The following SAFB2 variants were observed in gnomAD, a reference collection of about 807,000 sequenced individuals.
The protein encoded by SAFB2 is scaffold attachment factor B2.
In SAFB2, 32 loss-of-function variants were observed where a neutral mutation model predicts 100.6. The ratio of observed to expected loss-of-function variants is 0.32; its 90% CI spans 0.24 to 0.43. SAFB2 has a LOEUF of 0.43. SAFB2 is among the 20% of genes least tolerant of loss of function. The pLI, the probability that SAFB2 is intolerant of heterozygous loss-of-function variation, is 1.00. For synonymous variants in SAFB2, 500 were observed against 439.4 expected (o/e 1.14, Z -1.72); for missense variants, 1,185 against 1,163.4 (o/e 1.02, Z -0.27).
chr19:5,609,300 CTTTT>C (rs751534976), intron 9 of SAFB2, among the ~76,000 whole-genome samples: 17 of 118,872 alleles, frequency 1.4e-4, no homozygotes, highest in Non-Finnish European at 2.6e-4. Flanking sequence ...TCACTTCATT[CTTTT>C]TTTTTTTTTT....
chr19:5,605,767 A>C (rs1164168567), intron 9 of SAFB2, among the ~76,000 whole-genome samples: 1 of 152,222 alleles, frequency 6.6e-6, no homozygotes, highest in Non-Finnish European at 1.5e-5. Context: ...GATCCTGGAC[A>C]TCAGGCTGCC....
At chr19:5,595,158 C>T (rs1012390725) in intron 14 of SAFB2, among the ~76,000 whole-genome samples, 20 of 152,192 alleles carry the variant, frequency 1.3e-4, no homozygotes, top group African/African-American at 4.8e-4. Flanking sequence ...CCTTTGATGA[C>T]TTTCATGCCA....
At chr19:5,610,720 G>GA (rs1257665138) in intron 7 of SAFB2, 32 bp from the exon 8 acceptor site, 5 of 1,403,692 alleles carry the variant, frequency 3.6e-6, no homozygotes, top group Non-Finnish European at 4.9e-6. Context: ...ACTCATACAG[G>GA]AAAAAAACGA....
chr19:5,609,676 G>A (rs894642932), intron 9 of SAFB2, among the ~76,000 whole-genome samples: 1 of 152,224 alleles, frequency 6.6e-6, no homozygotes, highest in South Asian at 2.1e-4. Context: ...CATTGAGAGA[G>A]AAGCTGTTTA....
chr19:5,590,336 C>G lies in SAFB2; in HGVS notation c.2467G>C (p.Gly823Arg), dbSNP rs1599223985. The G allele has an allele frequency of 3.7e-6, 6 of 1,610,454 alleles. No homozygotes were observed. Among genetic ancestry groups the G allele is most frequent in the East Asian group, 2.2e-5 (1 of 44,702 alleles). ...AGCCTCTTGTCGGAGCCGTAGCCCCCCCAGCCATCACGGGAGTCCCGGCCG... is the reference window on the plus strand; with the variant it reads ...AGCCTCTTGTCGGAGCCGTAGCCCCGCCAGCCATCACGGGAGTCCCGGCCG... ...RHGRDSRDGW[G>R]GYGSDKRLSE... Residue 823 changes from glycine (G) to arginine (R), a missense_variant, in exon 18 of 21, where the codon GGG (glycine) becomes CGG (arginine). Gly to Arg is a moderately radical substitution (Grantham distance 125, BLOSUM62 -2). Around this residue, in one of 3 missense-constraint regions of SAFB2, gnomAD observed 740 missense variants for 687.1 expected, o/e 1.08. Coordinates refer to ENST00000252542, the MANE Select transcript of SAFB2 (RefSeq NM_014649.3).
At chr19:5,618,241 A>G (rs1317352938) in intron 2 of SAFB2, among the ~76,000 whole-genome samples, 1 of 152,210 alleles carries the variant, frequency 6.6e-6, no homozygotes, top group Non-Finnish European at 1.5e-5. Context: ...GGGCGCCTGT[A>G]GTCTCAGCTA....
intron 1 of SAFB2, 144 bp downstream of exon 1, chr19:5,622,386 C>T (rs984680818): frequency 2.8e-6 from 2 of 726,652 alleles, no homozygotes; most frequent in Non-Finnish European, 4.2e-6. Context: ...CAGCCGGCCC[C>T]CTGGGTGCCC....
At position 5,622,686 on chromosome 19, in the gene SAFB2, G is replaced by A. The variant is rs376218913; in HGVS notation, c.30C>T (p.Asp10=). The A allele has an allele frequency of 1.0e-5, 16 of 1,606,736 alleles. No homozygotes were observed. Among genetic ancestry groups the A allele is most frequent in the African/African-American group, 6.7e-5 (5 of 74,978 alleles). ...CGAGAGAAGCCGTGCCAGGGCCCGA[G>A]TCGCCCGACCCGGGCAGAGTCTCCG... MAETLPGSG[D]SGPGTASLGP... Residue 10 remains aspartate (D), a synonymous_variant, in exon 1 of 21, where the codon GAC becomes GAT. Coordinates refer to ENST00000252542, the MANE Select transcript of SAFB2 (RefSeq NM_014649.3).
Position 5,610,669 on chromosome 19 carries a change from C to T in SAFB2, c.1165G>A (p.Asp389Asn), listed in dbSNP as rs1466620012. The T allele has an allele frequency of 6.4e-7, 1 of 1,566,842 alleles. No homozygotes were observed. Residue 389 changes from aspartate (D) to asparagine (N), a missense_variant, in exon 8 of 21, where the codon GAT (aspartate) becomes AAT (asparagine). Transcript: ENST00000252542. ...TCATCTTTAATGATTGGCTTTATAT[C>T]TTTTTCTTCCTTAAAAGAGCTAGAG... ...QKMSSFKEEK[D>N]IKPIIKDEKG...
intron 11 of SAFB2, among the ~76,000 whole-genome samples, chr19:5,602,803 C>T (rs1284749355): frequency 6.6e-6 from 1 of 152,192 alleles, no homozygotes; most frequent in African/African-American, 2.4e-5. Flanking sequence ...CACCGCAAAC[C>T]TGCAACAACA....
rs1237724058 is a variant in SAFB2, at chr19:5,622,770, C to A, written c.-55G>T. 3.9e-6 allele frequency: 6 copies of A among 1,529,040 alleles called. No homozygotes were observed. In the East Asian group the frequency reaches 1.5e-4, roughly 37 times the overall value. The allele number at this position is 1,529,040 out of a possible 1,614,324, so 94.7% of individuals were successfully genotyped here. A position where few individuals can be genotyped will look rare whatever the true frequency, so the allele number is the denominator to read the frequency against. On this transcript the variant is annotated 5_prime_UTR_variant, in exon 1 of 21. Coordinates refer to ENST00000252542, the MANE Select transcript of SAFB2 (RefSeq NM_014649.3). ...AGTCGCACACCGCCGGCAGCTATAG[C>A]GGCTCTGAACACAAAATGGCGCCGC...
chr19:5,602,842 T>C (rs1232273562), intron 11 of SAFB2, among the ~76,000 whole-genome samples: 2 of 152,134 alleles, frequency 1.3e-5, no homozygotes, highest in Non-Finnish European at 2.9e-5. Flanking sequence ...ATACAGACAT[T>C]TTTTTCTTAG....
rs145214123 is a variant in SAFB2, at chr19:5,599,487, G to A, written c.1691-603C>T. 7.2e-5 allele frequency among the ~76,000 whole-genome samples: 11 copies of A among 152,310 alleles called. No individual in the cohort carries two copies. In the Middle Eastern group the frequency reaches 0.014, roughly 188 times the overall value. ...CGTGAGACTCAGGGTAAATTAGCCC[G>A]AGAGCTGAAGATCCAGCTTGTAATG... On this transcript the variant is annotated intron_variant, in intron 12 of 20. Coordinates refer to ENST00000252542, the MANE Select transcript of SAFB2 (RefSeq NM_014649.3).
intron 11 of SAFB2, among the ~76,000 whole-genome samples, chr19:5,603,269 GT>G (rs986513145): frequency 6.6e-6 from 1 of 152,062 alleles, no homozygotes; most frequent in Non-Finnish European, 1.5e-5. Context: ...AAAGTAAAAT[GT>G]TTTTTAAAAA....
At chr19:5,592,689 G>A in intron 16 of SAFB2, 58 bp downstream of exon 16, 1 of 1,601,958 alleles carries the variant, frequency 6.2e-7, no homozygotes. Flanking sequence ...AACGAGGTCA[G>A]CTGGATGCCC....
chr19:5,620,510 G>C (rs555296471), intron 2 of SAFB2, among the ~76,000 whole-genome samples: 11 of 152,336 alleles, frequency 7.2e-5, no homozygotes, highest in African/African-American at 2.4e-4. Context: ...CAGGAATGAA[G>C]TATCAATACA....
rs371161424 is a variant in SAFB2, at chr19:5,606,354, A to G, written c.1297-1418T>C. ...AAATTACCAGGCACAGGCTGGGCAC[A>G]GTGGCTCATGCCTGTAATCCCAGCA... is the stretch of plus-strand genomic sequence containing the variant. On this transcript the variant is annotated intron_variant, in intron 9 of 20. Transcript: ENST00000252542. Among the ~76,000 whole-genome samples, 4 of 152,244 alleles carry G rather than the reference A, an allele frequency of 2.6e-5. No homozygotes were observed. The East Asian group carries it at 5.8e-4, about 22-fold the overall frequency.
In SAFB2 at chr19:5,587,920, C is replaced by G. The variant is rs747882954; in HGVS notation, c.2586G>C (p.Trp862Cys). The G allele has an allele frequency of 3.7e-6, 6 of 1,612,680 alleles. 1 individual carries two copies. The Middle Eastern group carries it at 6.6e-4, about 177-fold the overall frequency. ...CCGCGCCTGCGTCCATGGCACCCTG[C>G]CAGGCGCGTGCCTGGTGCTCCTCTA... ...QRLEEHQARA[W>C]QGAMDAGAAS... The change falls in exon 19 of 21, where the codon TGG becomes TGC. Residue 862 changes from tryptophan to cysteine, a missense_variant. Trp to Cys is a radical substitution (Grantham distance 215). Transcript: ENST00000252542. This position sits in a 1 kb window ranked among gnomAD's most constrained non-coding sequence, Gnocchi z 4.9.
chr19:5,617,602 CG>C (rs1180682315), intron 2 of SAFB2, among the ~76,000 whole-genome samples: 2 of 152,180 alleles, frequency 1.3e-5, no homozygotes, highest in South Asian at 2.1e-4. Flanking sequence ...GGTTCACAAC[CG>C]GGGGGAATGG....
Sources: allele counts gnomAD v4.1 joint callset (sites outside exome capture counted in the v4.1 genomes callset), GRCh38; gene constraint gnomAD v4.1.1; regional missense constraint gnomAD v4.1.1; non-coding constraint Gnocchi (gnomAD v3.1); transcripts MANE v1.5; gene names NCBI Gene and HGNC (gene_info 2026-07-23, HGNC 2026-07-21).